Variants in HSD17B12 observed in about 807,000 individuals in gnomAD.
The protein encoded by HSD17B12 is hydroxysteroid 17-beta dehydrogenase 12.
Under a neutral mutation model 39.3 loss-of-function variants are expected in HSD17B12, and 32 were observed. The ratio of observed to expected loss-of-function variants is 0.81; its 90% confidence interval spans 0.61 to 1.09. The LOEUF is 1.09. Ranked by LOEUF, HSD17B12 falls within the 50% of genes least tolerant of loss-of-function variation. The pLI, the probability that HSD17B12 is intolerant of heterozygous loss-of-function variation, is 0.00. For synonymous variants in HSD17B12, 150 were observed against 146.7 expected, an observed-to-expected ratio of 1.02 and a Z score of -0.16; for missense variants, 342 against 382.9, an observed-to-expected ratio of 0.89 and a Z score of 0.89.
the HSD17B12 span, among the ~76,000 whole-genome samples, chr11:43,557,287 C>T: frequency 1.1e-4 from 17 of 152,300 alleles, no homozygotes; most frequent in African/African-American, 4.1e-4. Flanking sequence ...GCATGTGCTT[C>T]TGCCACTTGG....
chr11:43,803,017 C>G (rs939863258), intron 4 of HSD17B12, among the ~76,000 whole-genome samples: 1 of 152,182 alleles, frequency 6.6e-6, no homozygotes, highest in Non-Finnish European at 1.5e-5. Flanking sequence ...TACTCTACCA[C>G]AAATGTCTCC....
At chr11:43,784,175 C>G (rs1033118273) in intron 3 of HSD17B12, among the ~76,000 whole-genome samples, 2 of 151,988 alleles carry the variant, frequency 1.3e-5, no homozygotes, top group Non-Finnish European at 2.9e-5. Flanking sequence ...CATGATAGAT[C>G]GAGTAAGCAT....
the HSD17B12 span, among the ~76,000 whole-genome samples, chr11:43,612,893 G>A: frequency 6.6e-6 from 1 of 152,186 alleles, no homozygotes; most frequent in Non-Finnish European, 1.5e-5. Context: ...AGTTGGCCAT[G>A]TCTAGATCTG....
At chr11:43,650,368 A>T in the HSD17B12 span, among the ~76,000 whole-genome samples, 1 of 152,220 alleles carries the variant, frequency 6.6e-6, no homozygotes, top group Non-Finnish European at 1.5e-5. Flanking sequence ...ATGAAAAGGT[A>T]CGCTCAAACT....
chr11:43,643,165 C>T, the HSD17B12 span, among the ~76,000 whole-genome samples: 21 of 152,026 alleles, frequency 1.4e-4, no homozygotes, highest in Non-Finnish European at 2.7e-4. Flanking sequence ...TAGTTGTTGC[C>T]TTAGTGTATG....
intron 4 of HSD17B12, among the ~76,000 whole-genome samples, chr11:43,814,207 G>A (rs556973714): frequency 6.6e-6 from 1 of 151,596 alleles, no homozygotes; most frequent in African/African-American, 2.4e-5. Context: ...GGTGTGTGAA[G>A]GTTTTAACAT....
In HSD17B12 at chr11:43,803,554, G is replaced by A. The variant is rs552339382; in HGVS notation, c.391+5127G>A. Among the ~76,000 whole-genome samples, 8 of 152,286 alleles carry A rather than the reference G, an allele frequency of 5.3e-5. No individual in the cohort carries two copies. The South Asian group carries it at 1.7e-3, about 32-fold the overall frequency. ...TCACCAGGGTACACCCCATTTGTTT[G>A]AAGTGTTAAGCACCAAACAGTCAGT... On this transcript the variant is annotated intron_variant, in intron 4 of 10. Coordinates refer to ENST00000278353, the MANE Select transcript of HSD17B12 (RefSeq NM_016142.3).
chr11:43,677,790 G>A (rs530018149), upstream of HSD17B12, among the ~76,000 whole-genome samples: 1 of 152,292 alleles, frequency 6.6e-6, no homozygotes, highest in African/African-American at 2.4e-5. Context: ...TTATATGGCT[G>A]TATAGTATTC....
At chr11:43,655,850 A>G in the HSD17B12 span, among the ~76,000 whole-genome samples, 1 of 152,254 alleles carries the variant, frequency 6.6e-6, no homozygotes, top group South Asian at 2.1e-4. Context: ...CATCAGGGAT[A>G]TTGGTCTAAA....
At chr11:43,760,023 G>A (rs1200519402) in intron 3 of HSD17B12, among the ~76,000 whole-genome samples, 1 of 151,972 alleles carries the variant, frequency 6.6e-6, no homozygotes, top group East Asian at 1.9e-4. Flanking sequence ...AGCCTCCTGG[G>A]TAACTGGGAA....
intron 1 of HSD17B12, among the ~76,000 whole-genome samples, chr11:43,740,134 CA>C (rs1950350855): frequency 6.6e-6 from 1 of 151,668 alleles, no homozygotes; most frequent in South Asian, 2.1e-4. Context: ...ATATAGTTGG[CA>C]AAAGGGAAAT....
intron 1 of HSD17B12, among the ~76,000 whole-genome samples, chr11:43,731,528 G>T (rs1206645523): frequency 1.3e-5 from 2 of 152,176 alleles, no homozygotes; most frequent in African/African-American, 4.8e-5. Context: ...TGGTGTGTTT[G>T]CATACTGTTT....
the HSD17B12 span, among the ~76,000 whole-genome samples, chr11:43,577,796 G>C: frequency 6.6e-6 from 1 of 152,240 alleles, no homozygotes; most frequent in Admixed American, 6.5e-5. Flanking sequence ...TCCAAGCTAG[G>C]GAACATCGCG....
the HSD17B12 span, among the ~76,000 whole-genome samples, chr11:43,610,714 G>C: frequency 1.3e-4 from 20 of 152,164 alleles, no homozygotes; most frequent in Non-Finnish European, 2.6e-4. Context: ...AGCAGCAGGG[G>C]AAGTCTTTTG....
intron 4 of HSD17B12, among the ~76,000 whole-genome samples, chr11:43,804,451 A>AATAG (rs1265388033): frequency 6.6e-6 from 1 of 152,016 alleles, no homozygotes; most frequent in East Asian, 1.9e-4. Context: ...ATGTGTAGAT[A>AATAG]ATAGAGGTCA....
chr11:43,822,212 C>T (rs919457201), intron 6 of HSD17B12, among the ~76,000 whole-genome samples: 1 of 152,164 alleles, frequency 6.6e-6, no homozygotes, highest in African/African-American at 2.4e-5. Flanking sequence ...TATTAACAGC[C>T]TCCACATATT....
the HSD17B12 span, among the ~76,000 whole-genome samples, chr11:43,615,165 T>G: frequency 2.6e-5 from 4 of 152,208 alleles, no homozygotes; most frequent in Non-Finnish European, 5.9e-5. Context: ...TTTTTAAAGT[T>G]TTTAGGTGGG....
intron 1 of HSD17B12, among the ~76,000 whole-genome samples, chr11:43,717,517 G>A (rs965051205): frequency 2.0e-5 from 3 of 152,208 alleles, no homozygotes; most frequent in East Asian, 1.9e-4. Context: ...TTGTGGATCC[G>A]GAGTTTGGGC....
At chr11:43,591,601 A>C in the HSD17B12 span, among the ~76,000 whole-genome samples, 1 of 152,136 alleles carries the variant, frequency 6.6e-6, no homozygotes, top group African/African-American at 2.4e-5. Context: ...TCTTTTTAAA[A>C]GAAGGAAAAC....
Sources: allele counts gnomAD v4.1 joint callset (sites outside exome capture counted in the v4.1 genomes callset), GRCh38; gene constraint gnomAD v4.1.1; transcripts MANE v1.5; gene names NCBI Gene and HGNC (gene_info 2026-07-23, HGNC 2026-07-21).